The following GRHL3 variants were observed in gnomAD, a reference collection of about 807,000 sequenced individuals.
GRHL3 encodes the protein grainyhead-like protein 3 homolog.
GRHL3 carries 20 observed loss-of-function variants against 70.3 expected under a neutral mutation model. The ratio of observed to expected loss-of-function variants is 0.28; its 90% CI spans 0.20 to 0.41. The LOEUF is 0.41. Among genes scored for constraint, GRHL3 ranks in the 10% least tolerant of loss-of-function variants. GRHL3 has a pLI of 1.00. For synonymous variants in GRHL3, 299 were observed against 299.9 expected (o/e 1.00, Z 0.03); for missense variants, 637 against 762.3 (o/e 0.84, Z 1.94).
downstream of GRHL3, chr1:24,357,985 A>C (rs1484183304): frequency 5.7e-6 from 2 of 350,988 alleles, no homozygotes; most frequent in Non-Finnish European, 1.1e-5. Context: ...TCACTTTAGA[A>C]AGGAAGCTGT....
chr1:24,350,591 GT>G (rs1302728292), intron 15 of GRHL3, among the ~76,000 whole-genome samples: 2 of 152,236 alleles, frequency 1.3e-5, no homozygotes, highest in Non-Finnish European at 2.9e-5. Context: ...GTAATAAGCA[GT>G]GTTCAGGGGC....
chr1:24,329,988 C>T (rs1393601735), intron 1 of GRHL3, among the ~76,000 whole-genome samples: 1 of 152,190 alleles, frequency 6.6e-6, no homozygotes, highest in African/African-American at 2.4e-5. Flanking sequence ...CCAGGGAAAT[C>T]GCTAGAAATG....
chr1:24,339,602 C>A, intron 7 of GRHL3, 66 bp from the exon 8 acceptor site: 1 of 1,135,894 alleles, frequency 8.8e-7, no homozygotes, highest in Non-Finnish European at 1.3e-6. Context: ...TTTTTAATGC[C>A]TCCCTCCTCA....
intron 1 of GRHL3, among the ~76,000 whole-genome samples, chr1:24,324,375 A>G (rs1639313606): frequency 6.6e-6 from 1 of 152,182 alleles, no homozygotes; most frequent in South Asian, 2.1e-4. Flanking sequence ...GAAATCTCCA[A>G]GCATCAGGAT....
chr1:24,337,650 C>A lies in GRHL3; in HGVS notation c.701C>A (p.Thr234Asn). Reference sequence around the variant, plus strand: ...CCTCCCTGCAGTGACTTTGAATACACCCTGGGCTCCCCCAAAGCCATCCAC... The same window carrying A: ...CCTCCCTGCAGTGACTTTGAATACAACCTGGGCTCCCCCAAAGCCATCCAC... ...YPSLKSDFEY[T>N]LGSPKAIHIK... Residue 234 changes from threonine (T) to asparagine (N), a missense_variant, in exon 6 of 16, where the codon ACC becomes AAC. By Grantham distance (65) the Thr-to-Asn change is moderately conservative. Around this residue, in one of 2 missense-constraint regions of GRHL3, gnomAD observed 387 missense variants for 513.8 expected, o/e 0.75. Coordinates refer to ENST00000361548, the MANE Select transcript of GRHL3 (RefSeq NM_198173.3). 6.2e-7 allele frequency: 1 copy of A among 1,614,176 alleles called. No homozygotes were observed. Among genetic ancestry groups the A allele is most frequent in the Non-Finnish European group, 8.5e-7 (1 of 1,180,006 alleles).
chr1:24,333,521 C>G (rs12061790), intron 2 of GRHL3, among the ~76,000 whole-genome samples: 1 of 152,128 alleles, frequency 6.6e-6, no homozygotes, highest in South Asian at 2.1e-4. Context: ...TATAATTATA[C>G]TCATGAAAGG....
chr1:24,342,125 G>C lies in GRHL3; in HGVS notation c.1058G>C (p.Gly353Ala). Residue 353 changes from glycine to alanine, a missense_variant, in exon 9 of 16, where the codon GGC (glycine) becomes GCC (alanine). Around this residue, in one of 2 missense-constraint regions of GRHL3, gnomAD observed 387 missense variants for 513.8 expected, o/e 0.75. Transcript: ENST00000361548. This position sits in a 1 kb window ranked among gnomAD's most constrained non-coding sequence, Gnocchi z 4.8. The stretch of plus-strand genomic sequence containing the variant: ...CCCCTCTGTCTCCAGGTGTTCATCG[G>C]CGTAAACTGTCTGAGCACAGACTTT... ...NVNEEAKVFIGVNCLSTDFSS... is the reference protein window; with the variant it reads ...NVNEEAKVFIAVNCLSTDFSS... 1 of 1,588,722 alleles carries C rather than the reference G, an allele frequency of 6.3e-7. No individual in the cohort carries two copies. Among genetic ancestry groups the C allele is most frequent in the Non-Finnish European group, 8.6e-7 (1 of 1,166,334 alleles).
In GRHL3 at chr1:24,342,300, T is replaced by C. The variant is rs374021689; in HGVS notation, c.1206+27T>C. Reference sequence around the variant, plus strand: ...TGGCTGGACTGGGCAGACCCTATACTGGGTCCCGGGGAGGTAGAAGGGCCA... The same window carrying C: ...TGGCTGGACTGGGCAGACCCTATACCGGGTCCCGGGGAGGTAGAAGGGCCA... On this transcript the variant is annotated intron_variant, in intron 9 of 15. Coordinates refer to ENST00000361548, the MANE Select transcript of GRHL3 (RefSeq NM_198173.3). The surrounding 1 kb of genome is among the most constrained non-coding windows in gnomAD (Gnocchi z 4.8). The C allele has an allele frequency of 9.6e-6, 15 of 1,568,724 alleles. No individual in the cohort carries two copies. The highest frequency in any genetic ancestry group is 1.4e-5 in the African/African-American group (1 of 73,760).
In GRHL3 at chr1:24,342,871, T is replaced by C. The variant is rs1403121636; in HGVS notation, c.1286-21T>C. 1.9e-6 allele frequency: 3 copies of C among 1,614,154 alleles called. No homozygotes were observed. The highest frequency in any genetic ancestry group is 2.5e-6 in the Non-Finnish European group (3 of 1,180,010). ...TTGAGTGGAGGGACCTCGGGGCACA[T>C]TGGCTTCCTTCTCCCATCAGGCGTC... On this transcript the variant is annotated intron_variant, in intron 10 of 15. Coordinates refer to ENST00000361548, the MANE Select transcript of GRHL3 (RefSeq NM_198173.3). This position sits in a 1 kb window ranked among gnomAD's most constrained non-coding sequence, Gnocchi z 4.8.
Position 24,319,396 on chromosome 1 carries a change from G to A in GRHL3, c.-156G>A, listed in dbSNP as rs1639092378. 3.8e-6 allele frequency: 3 copies of A among 789,378 alleles called. No individual in the cohort carries two copies. The highest frequency in any genetic ancestry group is 1.8e-5 in the Admixed American group (1 of 54,488). The allele number at this position is 789,378 out of a possible 1,614,324, so 48.9% of individuals were successfully genotyped here. On this transcript the variant is annotated 5_prime_UTR_variant, in exon 1 of 16. Coordinates refer to ENST00000361548, the MANE Select transcript of GRHL3 (RefSeq NM_198173.3). ...GTACCTGTAGCCAATCAGCGCCAGC[G>A]CTGCTGGGAACCTACCTGTCAGCAA... is the stretch of plus-strand genomic sequence containing the variant.
chr1:24,346,744 CT>C, intron 13 of GRHL3, 103 bp downstream of exon 13: 1 of 860,960 alleles, frequency 1.2e-6, no homozygotes, highest in Non-Finnish European at 1.9e-6. Context: ...GAGGCGCTGC[CT>C]TACCCCTTGG....
At chr1:24,346,499 A>G in intron 12 of GRHL3, 54 bp from the exon 13 acceptor site, 2 of 1,270,634 alleles carry the variant, frequency 1.6e-6, no homozygotes, top group Non-Finnish European at 2.3e-6. Context: ...AGGGTCCTTG[A>G]GCCTCTAGGG....
At chr1:24,350,759 T>C (rs1228748858) in intron 15 of GRHL3, among the ~76,000 whole-genome samples, 1 of 152,188 alleles carries the variant, frequency 6.6e-6, no homozygotes, top group Admixed American at 6.5e-5. Flanking sequence ...TCCACAGGCC[T>C]CCTCCATCTT....
chr1:24,362,224 G>A (rs1265820035), intron 15 of GRHL3, among the ~76,000 whole-genome samples: 1 of 152,210 alleles, frequency 6.6e-6, no homozygotes, highest in Non-Finnish European at 1.5e-5. Context: ...GAGAGCTTGA[G>A]GGGACCCAAG....
intron 7 of GRHL3, among the ~76,000 whole-genome samples, chr1:24,339,394 C>T (rs573329940): frequency 6.6e-6 from 1 of 152,208 alleles, no homozygotes; most frequent in South Asian, 2.1e-4. Context: ...ATTCTCCTGC[C>T]TCAGCCTCCC....
At chr1:24,354,093 C>G (rs147433440) in intron 15 of GRHL3, among the ~76,000 whole-genome samples, 1 of 152,184 alleles carries the variant, frequency 6.6e-6, no homozygotes, top group African/African-American at 2.4e-5. Flanking sequence ...TGTCCATCCT[C>G]GGGTGTACCA....
chr1:24,324,175 T>A (rs1455882963), intron 1 of GRHL3, among the ~76,000 whole-genome samples: 3 of 152,112 alleles, frequency 2.0e-5, no homozygotes, highest in Non-Finnish European at 4.4e-5. Context: ...GAGGAGAATA[T>A]AGCATGAAAG....
chr1:24,358,653 G>A (rs1416154494), downstream of GRHL3: 1 of 1,544,674 alleles, frequency 6.5e-7, no homozygotes, highest in Admixed American at 1.7e-5. Flanking sequence ...GGCATTAAGA[G>A]AGAAAAGGCC....
chr1:24,343,069 C>T (rs748950372), intron 11 of GRHL3, 44 bp downstream of exon 11: 3 of 1,612,712 alleles, frequency 1.9e-6, no homozygotes, highest in East Asian at 4.5e-5. Flanking sequence ...GAGAGAGGGT[C>T]CTGGCTCCTA....
Sources: allele counts gnomAD v4.1 joint callset (sites outside exome capture counted in the v4.1 genomes callset), GRCh38; gene constraint gnomAD v4.1.1; regional missense constraint gnomAD v4.1.1; non-coding constraint Gnocchi (gnomAD v3.1); transcripts MANE v1.5; gene names NCBI Gene and HGNC (gene_info 2026-07-23, HGNC 2026-07-21).